PXT1: variants seen among roughly 807,000 people sequenced by gnomAD.
PXT1 encodes peroxisomal testis enriched protein 1, also known as peroxisomal testis-specific protein 1.
In PXT1, 11 loss-of-function variants were observed where a neutral mutation model predicts 11.0. The ratio of observed to expected loss-of-function variants is 1.00; its 90% CI spans 0.63 to 1.66. The LOEUF is 1.66. Ranked by LOEUF, PXT1 falls within the 40% of genes most tolerant of loss-of-function variation. The pLI is 0.00. For synonymous variants in PXT1, 43 were observed against 51.4 expected, an observed-to-expected ratio of 0.84 and a Z score of 0.70; for missense variants, 141 against 155.5, an observed-to-expected ratio of 0.91 and a Z score of 0.49.
intron 3 of PXT1, among the ~76,000 whole-genome samples, chr6:36,408,255 C>T (rs368592812): frequency 2.0e-5 from 3 of 151,232 alleles, no homozygotes; most frequent in Non-Finnish European, 4.4e-5. Flanking sequence ...AGCCACCACG[C>T]CCAGCCTTTT....
At chr6:36,402,902 G>A (rs1387528040) in intron 3 of PXT1, among the ~76,000 whole-genome samples, 2 of 151,982 alleles carry the variant, frequency 1.3e-5, no homozygotes, top group South Asian at 2.1e-4. Flanking sequence ...CTTGCAGTTG[G>A]ACCAAGCATC....
chr6:36,411,395 G>A (rs561278491), intron 3 of PXT1, among the ~76,000 whole-genome samples: 1 of 152,320 alleles, frequency 6.6e-6, no homozygotes, highest in Non-Finnish European at 1.5e-5. Flanking sequence ...AGGTTGCAAT[G>A]AGCTGAGATC....
intron 2 of PXT1, among the ~76,000 whole-genome samples, chr6:36,427,644 A>G (rs532778790): frequency 2.6e-5 from 4 of 152,296 alleles, no homozygotes; most frequent in Non-Finnish European, 5.9e-5. Flanking sequence ...AAATCTAAAT[A>G]TTGTCATTTC....
At chr6:36,436,351 A>G (rs1247430619) in intron 2 of PXT1, among the ~76,000 whole-genome samples, 1 of 152,226 alleles carries the variant, frequency 6.6e-6, no homozygotes, top group Non-Finnish European at 1.5e-5. Flanking sequence ...AGACCACTGT[A>G]GTAATTCAAT....
At chr6:36,432,589 C>G (rs1774708162) in intron 2 of PXT1, among the ~76,000 whole-genome samples, 1 of 152,080 alleles carries the variant, frequency 6.6e-6, no homozygotes, top group African/African-American at 2.4e-5. Context: ...CCTGGAAAGA[C>G]TCAGGTATCA....
intron 3 of PXT1, among the ~76,000 whole-genome samples, chr6:36,415,957 A>G (rs1276884848): frequency 1.3e-5 from 2 of 152,278 alleles, no homozygotes; most frequent in Admixed American, 6.5e-5. Flanking sequence ...TGAAGACATC[A>G]ATTTTGTATA....
intron 3 of PXT1, among the ~76,000 whole-genome samples, chr6:36,404,888 G>C (rs9380567): frequency 0.48 from 73,003 of 151,970 alleles, 17,897 homozygotes; most frequent in Middle Eastern, 0.58. Flanking sequence ...AACTGGGAGG[G>C]AGAGGTTGCA....
chr6:36,428,137 A>G (rs904942221), intron 2 of PXT1, among the ~76,000 whole-genome samples: 4 of 152,122 alleles, frequency 2.6e-5, no homozygotes, highest in Admixed American at 1.3e-4. Context: ...TCAGCCCTGG[A>G]TGAACTGATA....
intron 3 of PXT1, among the ~76,000 whole-genome samples, chr6:36,422,504 A>C (rs891621087): frequency 1.3e-5 from 2 of 152,210 alleles, no homozygotes; most frequent in Non-Finnish European, 2.9e-5. Flanking sequence ...TGATATGTGC[A>C]ATTAACTACT....
intron 3 of PXT1, among the ~76,000 whole-genome samples, chr6:36,425,457 G>T (rs1774588548): frequency 6.6e-6 from 1 of 152,252 alleles, no homozygotes; most frequent in South Asian, 2.1e-4. Context: ...GAACTGGGAT[G>T]AATAGATTTT....
intron 2 of PXT1, 73 bp downstream of exon 2, chr6:36,438,694 T>C (rs1774810348): frequency 6.6e-6 from 1 of 152,348 alleles, no homozygotes; most frequent in South Asian, 2.1e-4. Flanking sequence ...AGTGCTGGGA[T>C]TACAGGCATG....
intron 3 of PXT1, among the ~76,000 whole-genome samples, chr6:36,417,583 C>T (rs1774466763): frequency 1.0e-5 from 1 of 97,708 alleles, no homozygotes; most frequent in Non-Finnish European, 2.0e-5. Context: ...AGTGAGACTT[C>T]GTCTCTACAA....
At chr6:36,406,858 C>T (rs1257274329) in intron 3 of PXT1, among the ~76,000 whole-genome samples, 5 of 151,660 alleles carry the variant, frequency 3.3e-5, no homozygotes, top group Non-Finnish European at 5.9e-5. Context: ...CAGCGCCAGC[C>T]TGCCTCAGAG....
chr6:36,442,412 A>G (rs1774887355), intron 1 of PXT1, 123 bp downstream of exon 1: 3 of 152,232 alleles, frequency 2.0e-5, no homozygotes, highest in Non-Finnish European at 1.5e-5. Context: ...TTTGGTTCAT[A>G]GGACATGGAC....
At chr6:36,412,457 C>A (rs572602849) in intron 3 of PXT1, among the ~76,000 whole-genome samples, 1 of 149,266 alleles carries the variant, frequency 6.7e-6, no homozygotes, top group Non-Finnish European at 1.5e-5. Context: ...GTCAAGAAAT[C>A]GAGACCATCC....
chr6:36,436,113 C>CAAAAAAAAAAAAAAAAAAAAAA (rs11294829), intron 2 of PXT1, among the ~76,000 whole-genome samples: 2 of 60,094 alleles, frequency 3.3e-5, no homozygotes, highest in Non-Finnish European at 6.7e-5. Flanking sequence ...AAAAGTAAGC[C>CAAAAAAAAAAAAAAAAAAAAAA]AAAAAAAAAA....
intron 3 of PXT1, among the ~76,000 whole-genome samples, chr6:36,417,225 T>G (rs1774461439): frequency 6.6e-6 from 1 of 151,426 alleles, no homozygotes; most frequent in South Asian, 2.1e-4. Flanking sequence ...CGGGCACCTG[T>G]AATCCCAGCT....
intron 3 of PXT1, among the ~76,000 whole-genome samples, chr6:36,419,242 C>T (rs1384779115): frequency 6.6e-6 from 1 of 152,176 alleles, no homozygotes; most frequent in Non-Finnish European, 1.5e-5. Flanking sequence ...ATGGGCTAGG[C>T]CTGCCTGTGC....
At position 36,417,348 on chromosome 6, in the gene PXT1, AAAT is replaced by A. The variant is rs201237894; in HGVS notation, c.169+8563_169+8565del. 8.2e-3 allele frequency among the ~76,000 whole-genome samples: 1,248 copies of A among 152,156 alleles called. 16 individuals are homozygous for A. Among genetic ancestry groups the A allele is most frequent in the African/African-American group, 0.029 (1,187 of 41,492 alleles). The stretch of plus-strand genomic sequence containing the variant: ...GGCAACAAAGCAAGACTCCGTCTCA[AAAT>A]AATAATAATAATTTAACATCAAATA... On this transcript the variant is annotated intron_variant, in intron 3 of 4. Transcript: ENST00000454782.
Sources: gnomAD v4.1 joint callset for allele counts (sites outside exome capture counted in the v4.1 genomes callset) on GRCh38, gnomAD v4.1.1 for gene constraint, MANE v1.5 for transcripts, NCBI Gene and HGNC (gene_info 2026-07-23, HGNC 2026-07-21) for gene names.